ARHGAP21: variants seen among roughly 807,000 people sequenced by gnomAD.
ARHGAP21 encodes Rho GTPase activating protein 21, also known as rho GTPase-activating protein 21.
In ARHGAP21, 38 loss-of-function variants were observed where a neutral mutation model predicts 164.6. That is an observed-to-expected ratio of 0.23 (90% confidence interval 0.18 to 0.30). ARHGAP21 has a LOEUF of 0.30. ARHGAP21 is among the 10% of genes least tolerant of loss of function. ARHGAP21 has a pLI of 1.00. For missense variants in ARHGAP21, 1,822 were observed against 2,370.7 expected, an observed-to-expected ratio of 0.77 and a Z score of 4.81; for synonymous variants, 766 against 857.9, an observed-to-expected ratio of 0.89 and a Z score of 1.87.
chr10:24,622,384 C>T (rs1038204959), intron 8 of ARHGAP21, among the ~76,000 whole-genome samples: 4 of 142,786 alleles, frequency 2.8e-5, no homozygotes, highest in African/African-American at 7.7e-5. Flanking sequence ...CAGCCACAAA[C>T]GTAACAGCAA....
Position 24,585,843 on chromosome 10 carries a change from G to T in ARHGAP21, c.4446C>A (p.Asp1482Glu), listed in dbSNP as rs757022071. Residue 1482 changes from aspartate (D) to glutamate (E), a missense_variant, in exon 26 of 26, where the codon GAC becomes GAA. This residue lies in a region of ARHGAP21 where 333 missense variants were observed against 383.9 expected (regional missense o/e 0.87). Transcript: ENST00000396432. ...IIAKENSTRKDPSTTKDEKIS... is the reference protein window; with the variant it reads ...IIAKENSTRKEPSTTKDEKIS... Reference sequence around the variant, plus strand: ...TCTTTTCATCTTTTGTCGTGCTGGGGTCTTTCCTAGTGCTGTTTTCTTTGG... The same window carrying T: ...TCTTTTCATCTTTTGTCGTGCTGGGTTCTTTCCTAGTGCTGTTTTCTTTGG... The T allele has an allele frequency of 6.2e-7, 1 of 1,613,920 alleles. No individual in the cohort carries two copies. The highest frequency in any genetic ancestry group is 8.5e-7 in the Non-Finnish European group (1 of 1,179,876).
At chr10:24,591,498 C>A in intron 23 of ARHGAP21, 144 bp downstream of exon 23, 1 of 1,168,656 alleles carries the variant, frequency 8.6e-7, no homozygotes, top group Non-Finnish European at 1.3e-6. Context: ...CTTGTATATT[C>A]ATTAGATCAG....
Position 24,607,604 on chromosome 10 carries a change from G to A in ARHGAP21, c.2582-3C>T. 1 of 1,613,510 alleles carries A rather than the reference G, an allele frequency of 6.2e-7. No homozygotes were observed. On this transcript the variant is annotated splice_region_variant and splice_polypyrimidine_tract_variant and intron_variant, in intron 10 of 25. Transcript: ENST00000396432. ...CAGGCTAGGAGGGCCAACAGATTCT[G>A]TAATTAATTAAAATCCAATATTTAG... is the stretch of plus-strand genomic sequence containing the variant.
intron 14 of ARHGAP21, among the ~76,000 whole-genome samples, 159 bp downstream of exon 14, chr10:24,600,487 T>C (rs535009787): frequency 6.6e-6 from 1 of 152,328 alleles, no homozygotes; most frequent in South Asian, 2.1e-4. Flanking sequence ...GAAAATAATA[T>C]AAAACAGGTA....
chr10:24,722,617 G>C (rs1846041036), intron 1 of ARHGAP21: 2 of 152,376 alleles, frequency 1.3e-5, no homozygotes, highest in East Asian at 3.9e-4. Flanking sequence ...CTTCGGTGAA[G>C]TTTTCTCCCC....
At position 24,659,503 on chromosome 10, in the gene ARHGAP21, T is replaced by C. The variant is rs370373236; in HGVS notation, c.268+7482A>G. On this transcript the variant is annotated intron_variant, in intron 4 of 25. Transcript: ENST00000396432. ...GCTAATTTTGGATTTTTAGTAGAGA[T>C]AGGGTTTCTCCATGTTGGTCAGGCT... 5.7e-4 allele frequency among the ~76,000 whole-genome samples: 87 copies of C among 152,178 alleles called. No individual in the cohort carries two copies. The East Asian group carries it at 0.011, about 19-fold the overall frequency.
chr10:24,630,740 A>G (rs1476607293), intron 6 of ARHGAP21, among the ~76,000 whole-genome samples: 1 of 152,110 alleles, frequency 6.6e-6, no homozygotes, highest in African/African-American at 2.4e-5. Context: ...GGACCTGCCC[A>G]CTTCAGCCTC....
intron 2 of ARHGAP21, among the ~76,000 whole-genome samples, chr10:24,698,246 T>C (rs1025752347): frequency 2.6e-5 from 4 of 152,134 alleles, no homozygotes; most frequent in African/African-American, 9.7e-5. Flanking sequence ...TGTAAAAACA[T>C]ATCCTGCTTT....
chr10:24,595,416 G>A (rs147145946), intron 19 of ARHGAP21, among the ~76,000 whole-genome samples: 128 of 152,080 alleles, frequency 8.4e-4, no homozygotes, highest in African/African-American at 2.9e-3. Context: ...TGTCTTACAT[G>A]GCACTTAAAT....
At chr10:24,677,944 CTG>C (rs781033668) in intron 2 of ARHGAP21, among the ~76,000 whole-genome samples, 39 of 152,134 alleles carry the variant, frequency 2.6e-4, no homozygotes, top group Admixed American at 2.2e-3. Context: ...TTTGAGACAA[CTG>C]TAGATTCACA....
At chr10:24,597,833 ATC>A in intron 15 of ARHGAP21, 110 bp downstream of exon 15, 3 of 1,209,132 alleles carry the variant, frequency 2.5e-6, no homozygotes, top group Non-Finnish European at 3.5e-6. Flanking sequence ...ATTTGGTACT[ATC>A]TGCGGTTTCA....
At chr10:24,587,145 G>C (rs1360199268) in intron 25 of ARHGAP21, among the ~76,000 whole-genome samples, 1 of 152,034 alleles carries the variant, frequency 6.6e-6, no homozygotes, top group Non-Finnish European at 1.5e-5. Flanking sequence ...ATGTATAATA[G>C]GTTCTTTTAA....
intron 14 of ARHGAP21, among the ~76,000 whole-genome samples, chr10:24,600,397 G>A (rs2076766407): frequency 6.6e-6 from 1 of 152,088 alleles, no homozygotes. Flanking sequence ...TAGGAATGTA[G>A]TTCATTGCTT....
At chr10:24,706,735 C>T (rs1459237232) in intron 2 of ARHGAP21, 1 of 152,412 alleles carries the variant, frequency 6.6e-6, no homozygotes, top group African/African-American at 2.4e-5. Flanking sequence ...CAATAGCTAA[C>T]TGGCAGAACG....
At position 24,719,262 on chromosome 10, in the gene ARHGAP21, T is replaced by C. The variant is rs573000654; in HGVS notation, c.63+2575A>G. On this transcript the variant is annotated intron_variant, in intron 2 of 25. Coordinates refer to ENST00000396432, the MANE Select transcript of ARHGAP21 (RefSeq NM_020824.4). ...CTTACTGTATAATGCCAAGACATAT[T>C]CTACTGAACTGTCCTAATTTCTTAT... Among the ~76,000 whole-genome samples the C allele has an allele frequency of 5.7e-4, 87 of 152,328 alleles. No individual in the cohort carries two copies. In the Middle Eastern group the frequency reaches 0.01, roughly 18 times the overall value.
At chr10:24,642,407 C>T (rs1275185172) in intron 4 of ARHGAP21, among the ~76,000 whole-genome samples, 3 of 147,874 alleles carry the variant, frequency 2.0e-5, no homozygotes, top group African/African-American at 7.5e-5. Context: ...CCCAGCTACT[C>T]GGGAGGCTGA....
intron 4 of ARHGAP21, among the ~76,000 whole-genome samples, chr10:24,657,518 C>G (rs1370555623): frequency 1.7e-5 from 2 of 115,710 alleles, no homozygotes; most frequent in African/African-American, 7.1e-5. Flanking sequence ...TGAGGAGCCC[C>G]TCTGCCCGGC....
chr10:24,707,242 T>G (rs1844329376), intron 2 of ARHGAP21, among the ~76,000 whole-genome samples: 1 of 152,236 alleles, frequency 6.6e-6, no homozygotes, highest in South Asian at 2.1e-4. Flanking sequence ...GCTAAAGACT[T>G]ATCCTTTAAG....
Position 24,617,015 on chromosome 10 carries a change from C to T in ARHGAP21, c.2422+2458G>A, listed in dbSNP as rs530836361. Among the ~76,000 whole-genome samples the T allele has an allele frequency of 2.0e-5, 3 of 152,278 alleles. No homozygotes were observed. In the South Asian group the frequency reaches 6.2e-4, roughly 32 times the overall value. On this transcript the variant is annotated intron_variant, in intron 9 of 25. Transcript: ENST00000396432. Reference sequence around the variant, plus strand: ...GGGTCCTCAACTCCTGCGCTGCAGACTGGTACTGGTCCATGGCCGGTTAGG... The same window carrying T: ...GGGTCCTCAACTCCTGCGCTGCAGATTGGTACTGGTCCATGGCCGGTTAGG...
Sources: gnomAD v4.1 joint callset for allele counts (sites outside exome capture counted in the v4.1 genomes callset) on GRCh38, gnomAD v4.1.1 for gene constraint, gnomAD v4.1.1 regional missense constraint, MANE v1.5 for transcripts, NCBI Gene and HGNC (gene_info 2026-07-23, HGNC 2026-07-21) for gene names.